TTC28: variants seen among roughly 807,000 people sequenced by gnomAD.
The protein encoded by TTC28 is tetratricopeptide repeat protein 28.
In TTC28, 61 loss-of-function variants were observed where a neutral mutation model predicts 198.0. The observed-to-expected ratio is 0.31, with a 90% confidence interval of 0.25 to 0.38. TTC28 has a LOEUF of 0.38. Ranked by LOEUF, TTC28 falls within the 10% of genes least tolerant of loss-of-function variation. The pLI is 1.00. For missense variants in TTC28, 2,678 were observed against 3,164.0 expected, an observed-to-expected ratio of 0.85 and a Z score of 3.69; for synonymous variants, 1,171 against 1,297.8, an observed-to-expected ratio of 0.90 and a Z score of 2.10.
At chr22:28,650,481 T>C (rs2051547619) in intron 1 of TTC28, among the ~76,000 whole-genome samples, 1 of 152,206 alleles carries the variant, frequency 6.6e-6, no homozygotes, top group African/African-American at 2.4e-5. Context: ...CACAATTTTT[T>C]CTGACAGCCT....
intron 21 of TTC28, among the ~76,000 whole-genome samples, chr22:27,986,798 G>A (rs1361617856): frequency 6.6e-6 from 1 of 152,154 alleles, no homozygotes; most frequent in Non-Finnish European, 1.5e-5. Context: ...TTCACTAGAG[G>A]AGCATTCTGG....
chr22:28,468,247 G>A (rs1173507686), intron 2 of TTC28, among the ~76,000 whole-genome samples: 1 of 152,134 alleles, frequency 6.6e-6, no homozygotes, highest in Non-Finnish European at 1.5e-5. Context: ...GTCTGCAGCT[G>A]ATCTACAAAT....
chr22:28,426,396 T>C (rs555738759), intron 2 of TTC28, among the ~76,000 whole-genome samples: 1 of 152,218 alleles, frequency 6.6e-6, no homozygotes, highest in Non-Finnish European at 1.5e-5. Flanking sequence ...AACTAAACAA[T>C]ATTTAAACAC....
intron 5 of TTC28, among the ~76,000 whole-genome samples, chr22:28,293,749 C>T (rs1402216243): frequency 6.6e-6 from 1 of 151,992 alleles, no homozygotes; most frequent in Non-Finnish European, 1.5e-5. Context: ...ATGAATGGTA[C>T]TTTATAATTC....
At chr22:28,420,073 A>AC (rs1318451488) in intron 2 of TTC28, among the ~76,000 whole-genome samples, 2 of 152,208 alleles carry the variant, frequency 1.3e-5, no homozygotes, top group African/African-American at 4.8e-5. Flanking sequence ...GGCAGCTGCT[A>AC]CCAGTGTTTG....
chr22:28,390,004 A>G (rs1278883463), intron 2 of TTC28, among the ~76,000 whole-genome samples: 2 of 149,844 alleles, frequency 1.3e-5, no homozygotes, highest in African/African-American at 2.4e-5. Flanking sequence ...CCCTCTACAC[A>G]CTGCTTTGAA....
intron 2 of TTC28, among the ~76,000 whole-genome samples, chr22:28,363,815 C>T: frequency 6.6e-6 from 1 of 152,182 alleles, no homozygotes. Flanking sequence ...TGTATGGGGC[C>T]TGTACCCCAT....
intron 6 of TTC28, among the ~76,000 whole-genome samples, chr22:28,112,999 G>T (rs530856997): frequency 1.3e-5 from 2 of 152,178 alleles, no homozygotes; most frequent in Non-Finnish European, 2.9e-5. Context: ...ACTTCAAAGG[G>T]CTGTTGTGAG....
chr22:28,283,143 T>C (rs2044616384), intron 5 of TTC28, among the ~76,000 whole-genome samples: 1 of 152,182 alleles, frequency 6.6e-6, no homozygotes. Context: ...AGCAATCCTA[T>C]TTGTTTCCCA....
intron 5 of TTC28, among the ~76,000 whole-genome samples, chr22:28,219,857 G>A (rs1569206076): frequency 6.6e-6 from 1 of 152,208 alleles, no homozygotes; most frequent in African/African-American, 2.4e-5. Flanking sequence ...CAAAAGGGAT[G>A]ACAAACATTC....
chr22:28,506,542 C>G (rs969631568), intron 2 of TTC28, among the ~76,000 whole-genome samples: 2 of 152,226 alleles, frequency 1.3e-5, no homozygotes, highest in Non-Finnish European at 2.9e-5. Flanking sequence ...TGCAGCACAC[C>G]TGCTCTACCA....
At chr22:28,249,405 A>T (rs1447617105) in intron 5 of TTC28, among the ~76,000 whole-genome samples, 1 of 152,216 alleles carries the variant, frequency 6.6e-6, no homozygotes, top group Non-Finnish European at 1.5e-5. Context: ...CACTATCCCT[A>T]CAGATCTTAG....
chr22:28,422,164 G>GC (rs1457931409), intron 2 of TTC28, among the ~76,000 whole-genome samples: 3 of 152,086 alleles, frequency 2.0e-5, no homozygotes, highest in African/African-American at 7.2e-5. Context: ...CACAATAAAA[G>GC]CAACAGTGTT....
chr22:28,394,027 G>A (rs189691138), intron 2 of TTC28, among the ~76,000 whole-genome samples: 272 of 152,188 alleles, frequency 1.8e-3, no homozygotes, highest in Middle Eastern at 0.01. Context: ...GTCCCACCAC[G>A]CCAGCTCAGG....
chr22:28,502,457 G>A (rs1339006658), intron 2 of TTC28, among the ~76,000 whole-genome samples: 3 of 148,352 alleles, frequency 2.0e-5, no homozygotes, highest in Non-Finnish European at 4.4e-5. Flanking sequence ...TGGCTAACAC[G>A]GTGAAACCCT....
chr22:28,122,540 A>C (rs1043260392), intron 6 of TTC28, among the ~76,000 whole-genome samples: 1 of 152,182 alleles, frequency 6.6e-6, no homozygotes, highest in Non-Finnish European at 1.5e-5. Context: ...AGTAGTTCTG[A>C]TAATCTTTAT....
chr22:28,132,925 T>G (rs1378823651), intron 6 of TTC28, among the ~76,000 whole-genome samples: 2 of 152,126 alleles, frequency 1.3e-5, no homozygotes, highest in Non-Finnish European at 2.9e-5. Flanking sequence ...AATATAAATA[T>G]ATGAGACATT....
At chr22:28,385,943 C>A (rs2046575874) in intron 2 of TTC28, among the ~76,000 whole-genome samples, 1 of 152,226 alleles carries the variant, frequency 6.6e-6, no homozygotes, top group East Asian at 1.9e-4. Context: ...CAAAATCTTC[C>A]AAACTTTCTA....
intron 2 of TTC28, among the ~76,000 whole-genome samples, chr22:28,539,223 AG>A (rs1275971312): frequency 6.6e-6 from 1 of 152,096 alleles, no homozygotes; most frequent in Admixed American, 6.6e-5. Context: ...CGGCAAGGAG[AG>A]GAAGGCGGGG....
Sources: allele counts gnomAD v4.1 joint callset (sites outside exome capture counted in the v4.1 genomes callset), GRCh38; gene constraint gnomAD v4.1.1; transcripts MANE v1.5; gene names NCBI Gene and HGNC (gene_info 2026-07-23, HGNC 2026-07-21).